Variants in SNRK observed in about 807,000 individuals in gnomAD.
SNRK encodes the protein SNF related kinase.
SNRK carries 3 observed loss-of-function variants against 48.2 expected under a neutral mutation model. That is an observed-to-expected ratio of 0.06 (90% CI 0.03 to 0.16). SNRK has a LOEUF of 0.16. Among genes scored for constraint, SNRK ranks in the 10% least tolerant of loss-of-function variants. The pLI is 1.00. For missense variants in SNRK, 627 were observed against 976.0 expected (o/e 0.64, Z 4.76); for synonymous variants, 376 against 366.1 (o/e 1.03, Z -0.31).
chr3:43,321,174 TATTA>T (rs1345593642), intron 3 of SNRK, among the ~76,000 whole-genome samples: 2 of 152,172 alleles, frequency 1.3e-5, no homozygotes, highest in African/African-American at 4.8e-5. Context: ...AAAATGAATT[TATTA>T]ATTAGTAGAG....
intron 4 of SNRK, among the ~76,000 whole-genome samples, chr3:43,335,260 A>C (rs1241347560): frequency 2.6e-5 from 4 of 152,098 alleles, no homozygotes; most frequent in African/African-American, 9.7e-5. Flanking sequence ...GCATCCCACT[A>C]GTTTTGATTT....
At chr3:43,339,674 G>A (rs1181960935) in intron 4 of SNRK, among the ~76,000 whole-genome samples, 1 of 151,012 alleles carries the variant, frequency 6.6e-6, no homozygotes, top group Non-Finnish European at 1.5e-5. Context: ...AACTTAGCTG[G>A]GTGTGGTGGC....
At chr3:43,288,802 A>G (rs2090787111) in intron 1 of SNRK, among the ~76,000 whole-genome samples, 1 of 152,226 alleles carries the variant, frequency 6.6e-6, no homozygotes, top group African/African-American at 2.4e-5. Context: ...ACTGCATCCC[A>G]GCTGTTTGCT....
chr3:43,318,130 G>A (rs1400864063), intron 3 of SNRK, among the ~76,000 whole-genome samples: 2 of 152,134 alleles, frequency 1.3e-5, no homozygotes, highest in Non-Finnish European at 2.9e-5. Context: ...GGGAGGAAGA[G>A]TATCCGAGGT....
At chr3:43,343,092 G>A in intron 5 of SNRK, 1 of 385,968 alleles carries the variant, frequency 2.6e-6, no homozygotes, top group South Asian at 4.0e-5. Flanking sequence ...AGCTGCTGTT[G>A]GCATTTTGGA....
intron 5 of SNRK, among the ~76,000 whole-genome samples, chr3:43,341,956 C>T (rs1356495639): frequency 6.6e-6 from 1 of 152,218 alleles, no homozygotes; most frequent in African/African-American, 2.4e-5. Flanking sequence ...TATTGACTCA[C>T]AGCTACTTAA....
rs750021834 is a variant in SNRK at position 43,347,372 on chromosome 3, G to A, written c.1113G>A (p.Gln371=). Residue 371 remains glutamine (Q), a synonymous_variant, in exon 7 of 7, where the codon CAG becomes CAA. Transcript: ENST00000296088. The surrounding 1 kb of genome is among the most constrained non-coding windows in gnomAD (Gnocchi z 5.4). ...QSWPTKIDVP[Q]DLEDDLTATP... ...GGCCAACCAAAATTGATGTACCCCA[G>A]GACCTTGAGGATGACCTCACGGCCA... The A allele has an allele frequency of 4.6e-5, 73 of 1,597,626 alleles. No individual in the cohort carries two copies. Among genetic ancestry groups the A allele is most frequent in the Non-Finnish European group, 6.1e-5 (72 of 1,172,012 alleles).
At chr3:43,307,593 G>A (rs2090947439) in intron 3 of SNRK, among the ~76,000 whole-genome samples, 1 of 151,876 alleles carries the variant, frequency 6.6e-6, no homozygotes. Context: ...TAGTTGTTTT[G>A]GGGTGCCAGA....
chr3:43,300,761 T>TGAA (rs1337738930), intron 2 of SNRK, among the ~76,000 whole-genome samples: 1 of 152,220 alleles, frequency 6.6e-6, no homozygotes, highest in African/African-American at 2.4e-5. Context: ...ACAGGGATAA[T>TGAA]ATACATATGG....
At chr3:43,286,932 C>G (rs1198410125) in intron 1 of SNRK, among the ~76,000 whole-genome samples, 2 of 145,672 alleles carry the variant, frequency 1.4e-5, no homozygotes, top group Non-Finnish European at 3.0e-5. Flanking sequence ...CGGCGGGAGC[C>G]GTCACTGCGG....
In SNRK at chr3:43,347,932, G is replaced by C; in HGVS notation, c.1673G>C (p.Ser558Thr). 1 of 1,614,146 alleles carries C rather than the reference G, an allele frequency of 6.2e-7. No individual in the cohort carries two copies. The highest frequency in any genetic ancestry group is 8.5e-7 in the Non-Finnish European group (1 of 1,180,036). ...SESRRRLDKD[S>T]GFTYSWHRRD... ...AGCCGGCGGCGGCTCGATAAAGATAGCGGGTTCACCTACTCCTGGCACCGA... is the reference window on the plus strand; with the variant it reads ...AGCCGGCGGCGGCTCGATAAAGATACCGGGTTCACCTACTCCTGGCACCGA... The change falls in exon 7 of 7, where the codon AGC becomes ACC. Residue 558 changes from serine to threonine, a missense_variant. Ser to Thr is a moderately conservative substitution (Grantham distance 58). Around this residue, in one of 4 missense-constraint regions of SNRK, gnomAD observed 98 missense variants for 175.2 expected, o/e 0.56. Transcript: ENST00000296088. The surrounding 1 kb of genome is among the most constrained non-coding windows in gnomAD (Gnocchi z 5.4).
intron 3 of SNRK, among the ~76,000 whole-genome samples, chr3:43,313,212 G>A (rs934188319): frequency 3.9e-5 from 6 of 152,136 alleles, no homozygotes; most frequent in Non-Finnish European, 8.8e-5. Flanking sequence ...TTGCACTCCT[G>A]GGTGTTTGTC....
At chr3:43,317,494 T>C (rs186623272) in intron 3 of SNRK, among the ~76,000 whole-genome samples, 8 of 152,338 alleles carry the variant, frequency 5.3e-5, no homozygotes, top group African/African-American at 9.6e-5. Context: ...TTGGATCATA[T>C]TATTCCTCTG....
rs368370898 is a variant in SNRK, at chr3:43,340,263, C to CA, written c.732-22dup. The CA allele has an allele frequency of 1.8e-5, 28 of 1,594,460 alleles. No homozygotes were observed. The African/African-American group carries it at 3.2e-4, about 18-fold the overall frequency. On this transcript the variant is annotated intron_variant, in intron 4 of 6. Coordinates refer to ENST00000296088, the MANE Select transcript of SNRK (RefSeq NM_017719.5). ...GATCCTTGCAAGCAGTTTGCTTTAA[C>CA]AATGGACTTACCTTCCTTTCCAGCC...
At chr3:43,293,064 G>A (rs907160629) in intron 1 of SNRK, among the ~76,000 whole-genome samples, 1 of 152,110 alleles carries the variant, frequency 6.6e-6, no homozygotes, top group African/African-American at 2.4e-5. Context: ...TAGTGTTTCT[G>A]TTATTCAGAC....
At chr3:43,341,387 G>A (rs1339839868) in intron 5 of SNRK, among the ~76,000 whole-genome samples, 1 of 152,046 alleles carries the variant, frequency 6.6e-6, no homozygotes, top group Admixed American at 6.6e-5. Context: ...TCCTGACCTC[G>A]TGATCCGCCC....
chr3:43,287,258 A>AT (rs1383162772), intron 1 of SNRK, among the ~76,000 whole-genome samples: 3 of 152,098 alleles, frequency 2.0e-5, no homozygotes, highest in Admixed American at 2.0e-4. Context: ...GAGAGCTAGA[A>AT]TTTTTGCAGA....
Position 43,303,457 on chromosome 3 carries a change from A to G in SNRK, c.254A>G (p.Gln85Arg). 1.2e-6 allele frequency: 2 copies of G among 1,614,218 alleles called. No homozygotes were observed. Among genetic ancestry groups the G allele is most frequent in the Non-Finnish European group, 1.7e-6 (2 of 1,180,028 alleles). Residue 85 changes from glutamine to arginine, a missense_variant, in exon 3 of 7, where the codon CAG becomes CGG. Gln to Arg is a conservative substitution (Grantham distance 43). Transcript: ENST00000296088. The surrounding 1 kb of genome is among the most constrained non-coding windows in gnomAD (Gnocchi z 6.2). ...IVRLYEVIDTQTKLYLILELG... is the reference protein window; with the variant it reads ...IVRLYEVIDTRTKLYLILELG... The stretch of plus-strand genomic sequence containing the variant: ...CGCCTTTATGAAGTTATTGACACCC[A>G]GACCAAACTATATCTTATTCTAGAA...
intron 5 of SNRK, 33 bp downstream of exon 5, chr3:43,340,532 A>AG: frequency 6.3e-7 from 1 of 1,582,728 alleles, no homozygotes; most frequent in Non-Finnish European, 8.7e-7. Context: ...AGAGGGCCAC[A>AG]GGTTTAGGAT....
Sources: allele counts gnomAD v4.1 joint callset (sites outside exome capture counted in the v4.1 genomes callset), GRCh38; gene constraint gnomAD v4.1.1; regional missense constraint gnomAD v4.1.1; non-coding constraint Gnocchi (gnomAD v3.1); transcripts MANE v1.5; gene names NCBI Gene and HGNC (gene_info 2026-07-23, HGNC 2026-07-21).